The following FGF13 variants were observed in gnomAD, a reference collection of about 807,000 sequenced individuals.
The protein encoded by FGF13 is fibroblast growth factor 13, also known as fibroblast growth factor homologous factor 2.
FGF13 carries 2 observed loss-of-function variants against 19.5 expected under a neutral mutation model. That is an observed-to-expected ratio of 0.10 (90% CI 0.04 to 0.32). The LOEUF (loss-of-function observed/expected upper bound fraction) is 0.32, where lower values mean the gene tolerates loss of function less well. FGF13 is among the 10% of genes least tolerant of loss of function. The pLI, the probability that FGF13 is intolerant of heterozygous loss-of-function variation, is 1.00. For missense variants in FGF13, 113 were observed against 192.7 expected, an observed-to-expected ratio of 0.59 and a Z score of 2.45; for synonymous variants, 72 against 76.9, an observed-to-expected ratio of 0.94 and a Z score of 0.33.
chrX:139,015,662 C>A (rs1336561951), intron 1 of FGF13, among the ~76,000 whole-genome samples: 2 of 111,252 alleles, frequency 1.8e-5, no homozygotes, highest in Non-Finnish European at 1.9e-5. Flanking sequence ...TCAATGCAAT[C>A]TCTATCAAAA....
At chrX:139,009,784 A>T (rs1005900148) in intron 1 of FGF13, among the ~76,000 whole-genome samples, 2 of 111,899 alleles carry the variant, frequency 1.8e-5, no homozygotes, top group Non-Finnish European at 3.8e-5. Flanking sequence ...AGCATGTTGA[A>T]TAGAATACCA....
chrX:139,028,237 T>A (rs1438228595), intron 1 of FGF13, among the ~76,000 whole-genome samples: 1 of 111,929 alleles, frequency 8.9e-6, no homozygotes, highest in Non-Finnish European at 1.9e-5. Context: ...TATTTGTATA[T>A]AAAACTCCAT....
chrX:138,707,899 C>A (rs2090007347), intron 2 of FGF13, among the ~76,000 whole-genome samples: 2 of 112,356 alleles, frequency 1.8e-5, no homozygotes, highest in Non-Finnish European at 3.8e-5. Flanking sequence ...GAGTATACTG[C>A]TTAGCATTCA....
downstream of FGF13, among the ~76,000 whole-genome samples, chrX:138,856,316 T>C (rs1394824935): frequency 1.8e-5 from 2 of 111,611 alleles, no homozygotes; most frequent in Non-Finnish European, 3.8e-5. Flanking sequence ...TTTCTGCCAA[T>C]GATTGTCTTA....
At chrX:138,707,250 A>G (rs748960304) in intron 2 of FGF13, among the ~76,000 whole-genome samples, 1 of 111,715 alleles carries the variant, frequency 9.0e-6, no homozygotes, top group East Asian at 2.8e-4. Flanking sequence ...CATAGGACAC[A>G]GCACATGAAT....
intron 3 of FGF13, among the ~76,000 whole-genome samples, chrX:138,834,258 G>T (rs1447164652): frequency 8.9e-6 from 1 of 111,866 alleles, no homozygotes; most frequent in East Asian, 2.8e-4. Flanking sequence ...GTAGAATTCA[G>T]CTGTGAATCC....
chrX:138,703,029 G>C lies in FGF13; in HGVS notation c.357C>G (p.Thr119=), dbSNP rs763857932. 3 of 1,210,043 alleles carry C rather than the reference G, an allele frequency of 2.5e-6. No individual in the cohort carries two copies. The highest frequency in any genetic ancestry group is 3.0e-5 in the East Asian group (1 of 33,850). ...CACTGTTCATTGCCAAGTACAGCTTGGTTTGAACTCCTTGGATAGCCACCA... is the reference window on the plus strand; with the variant it reads ...CACTGTTCATTGCCAAGTACAGCTTCGTTTGAACTCCTTGGATAGCCACCA... ...LRVVAIQGVQ[T]KLYLAMNSEG... is the part of the protein sequence containing the mutation. The change falls in exon 3 of 5, where the codon ACC becomes ACG. Residue 119 remains threonine, a synonymous_variant. Transcript: ENST00000315930.
At chrX:138,774,156 A>C (rs1380021505) in intron 3 of FGF13, among the ~76,000 whole-genome samples, 1 of 111,880 alleles carries the variant, frequency 8.9e-6, no homozygotes, top group African/African-American at 3.3e-5. Flanking sequence ...AGGAACTGGG[A>C]AAAATAGGAA....
intron 1 of FGF13, among the ~76,000 whole-genome samples, chrX:139,162,205 A>G (rs1200387753): frequency 8.9e-6 from 1 of 112,159 alleles, no homozygotes; most frequent in Non-Finnish European, 1.9e-5. Flanking sequence ...ACAGATATAA[A>G]GACCAATGGA....
At chrX:139,028,634 AGTGT>A (rs756959789) in intron 1 of FGF13, among the ~76,000 whole-genome samples, 1,105 of 41,451 alleles carry the variant, frequency 0.027, 31 homozygotes, top group African/African-American at 0.087. Flanking sequence ...AGAGAGAGAG[AGTGT>A]GTGTGTGTGT....
Position 138,634,564 on chromosome X carries a change from T to C in FGF13, c.601+893A>G, listed in dbSNP as rs187793512. 9.0e-4 allele frequency among the ~76,000 whole-genome samples: 102 copies of C among 112,881 alleles called. 1 individual carries two copies. Among genetic ancestry groups the C allele is most frequent in the African/African-American group, 3.1e-3 (98 of 31,143 alleles). On this transcript the variant is annotated intron_variant, in intron 4 of 4. Transcript: ENST00000315930. ...GTTTTTGAGTGTTACAAAATGTAAG[T>C]TTTTTAAATAAATGTCTTAATGTGG...
intron 1 of FGF13, among the ~76,000 whole-genome samples, chrX:138,895,973 A>T (rs1372996511): frequency 8.9e-6 from 1 of 112,055 alleles, no homozygotes; most frequent in Non-Finnish European, 1.9e-5. Context: ...AAATAGAGAG[A>T]AGAATTATCA....
intron 3 of FGF13, among the ~76,000 whole-genome samples, chrX:138,768,425 C>T (rs975297363): frequency 1.1e-4 from 12 of 110,057 alleles, no homozygotes; most frequent in Admixed American, 4.0e-4. Flanking sequence ...TTAGTGACCA[C>T]AGTGGCTCTT....
At chrX:138,889,788 T>C (rs1256022024) in intron 1 of FGF13, among the ~76,000 whole-genome samples, 1 of 111,791 alleles carries the variant, frequency 8.9e-6, no homozygotes, top group East Asian at 2.8e-4. Context: ...AAGTCTGCCA[T>C]GAAAAGGAAG....
At chrX:139,167,478 T>C (rs2084096156) in intron 1 of FGF13, among the ~76,000 whole-genome samples, 1 of 112,042 alleles carries the variant, frequency 8.9e-6, no homozygotes, top group Admixed American at 9.5e-5. Context: ...ATCTGAGATA[T>C]TAATGTTGGC....
At chrX:138,677,795 G>C (rs2089686978) in intron 3 of FGF13, among the ~76,000 whole-genome samples, 2 of 112,280 alleles carry the variant, frequency 1.8e-5, no homozygotes, top group Admixed American at 1.9e-4. Context: ...TCTAGAACTA[G>C]AAATACCATT....
chrX:138,661,788 T>C (rs1011515953), intron 3 of FGF13, among the ~76,000 whole-genome samples: 6 of 111,865 alleles, frequency 5.4e-5, no homozygotes, highest in Admixed American at 9.5e-5. Context: ...TGTTTCATTC[T>C]ATAGGAATGG....
chrX:138,909,183 TTG>T (rs1244780439), intron 1 of FGF13, among the ~76,000 whole-genome samples: 1 of 111,956 alleles, frequency 8.9e-6, no homozygotes, highest in African/African-American at 3.2e-5. Flanking sequence ...GATTTTGCTA[TTG>T]TGCTGTTTTC....
chrX:139,083,852 G>A (rs1025523650), intron 1 of FGF13, among the ~76,000 whole-genome samples: 4 of 110,223 alleles, frequency 3.6e-5, no homozygotes, highest in Middle Eastern at 4.7e-3. Flanking sequence ...GCCTGGCGAC[G>A]GAGACTCCTT....
Sources: gnomAD v4.1 joint callset for allele counts (sites outside exome capture counted in the v4.1 genomes callset) on GRCh38, gnomAD v4.1.1 for gene constraint, MANE v1.5 for transcripts, NCBI Gene and HGNC (gene_info 2026-07-23, HGNC 2026-07-21) for gene names.